Variants in TRIO observed in about 807,000 individuals in gnomAD.
TRIO encodes trio Rho guanine nucleotide exchange factor.
A neutral mutation model predicts 351.9 loss-of-function variants in TRIO; 58 were observed. The observed-to-expected ratio is 0.16, with a 90% CI of 0.13 to 0.21. The LOEUF (loss-of-function observed/expected upper bound fraction) is 0.21, where lower values mean the gene tolerates loss of function less well. Among genes scored for constraint, TRIO ranks in the 10% least tolerant of loss-of-function variants. The pLI, the probability that TRIO is intolerant of heterozygous loss-of-function variation, is 1.00. For synonymous variants in TRIO, 1,758 were observed against 1,595.7 expected, an observed-to-expected ratio of 1.10 and a Z score of -2.42; for missense variants, 3,201 against 4,027.8, an observed-to-expected ratio of 0.79 and a Z score of 5.56.
At chr5:14,297,316 T>C in intron 7 of TRIO, 53 bp downstream of exon 7, 2 of 1,554,222 alleles carry the variant, frequency 1.3e-6, no homozygotes, top group Non-Finnish European at 1.7e-6. Flanking sequence ...TAGTTCTTCC[T>C]CCATGAATAT....
chr5:14,366,574 G>C (rs1054788358), intron 15 of TRIO, among the ~76,000 whole-genome samples: 3 of 152,172 alleles, frequency 2.0e-5, no homozygotes, highest in Non-Finnish European at 4.4e-5. Flanking sequence ...CCCATAATCT[G>C]TTTTGACTTG....
intron 18 of TRIO, among the ~76,000 whole-genome samples, chr5:14,370,005 G>T (rs1290124107): frequency 6.6e-6 from 1 of 152,232 alleles, no homozygotes; most frequent in East Asian, 1.9e-4. Flanking sequence ...ACCTACTCAG[G>T]AAATGCTTCC....
chr5:14,368,599 G>C, intron 16 of TRIO, 109 bp from the exon 17 acceptor site: 1 of 1,230,146 alleles, frequency 8.1e-7, no homozygotes, highest in Non-Finnish European at 1.1e-6. Context: ...ATTAACTGAA[G>C]GTATTTCCAC....
chr5:14,197,833 A>T (rs1222667682), intron 1 of TRIO, among the ~76,000 whole-genome samples: 1 of 152,194 alleles, frequency 6.6e-6, no homozygotes, highest in Non-Finnish European at 1.5e-5. Context: ...CAGGAAAGGA[A>T]CCCTGAATAT....
intron 7 of TRIO, among the ~76,000 whole-genome samples, chr5:14,302,519 A>T (rs1737989846): frequency 6.6e-6 from 1 of 152,244 alleles, no homozygotes; most frequent in Admixed American, 6.5e-5. Context: ...GACCAAATTG[A>T]CATTTATAGA....
intron 1 of TRIO, among the ~76,000 whole-genome samples, chr5:14,163,669 C>A (rs1261510140): frequency 6.6e-6 from 1 of 152,244 alleles, no homozygotes; most frequent in Non-Finnish European, 1.5e-5. Context: ...CACATTCACA[C>A]ATGCACATTG....
At chr5:14,456,790 T>C (rs1753346229) in intron 34 of TRIO, among the ~76,000 whole-genome samples, 1 of 152,244 alleles carries the variant, frequency 6.6e-6, no homozygotes, top group African/African-American at 2.4e-5. Flanking sequence ...ACATGGGATT[T>C]AATTTAAAAT....
rs1042905391 is a variant in TRIO, at chr5:14,497,558, C to T, written c.8020-289C>T. ...TGAGCGCCAGGGGCCAGGGCGTTGG[C>T]GGCTCTGCATTAGGAACGCATCTGA... On this transcript the variant is annotated intron_variant, in intron 50 of 56. Coordinates refer to ENST00000344204, the MANE Select transcript of TRIO (RefSeq NM_007118.4). The surrounding 1 kb of genome is among the most constrained non-coding windows in gnomAD (Gnocchi z 4.4). Among the ~76,000 whole-genome samples the T allele has an allele frequency of 2.0e-5, 3 of 152,118 alleles. No individual in the cohort carries two copies. Among genetic ancestry groups the T allele is most frequent in the East Asian group, 3.9e-4 (2 of 5,182 alleles).
In TRIO at chr5:14,471,479, T is replaced by G; in HGVS notation, c.5912+13T>G. ...TAAAGAGAAGACAGTAAGACAGAAA[T>G]GTTTTCATTCTTATTGTTCTCTGGG... is the stretch of plus-strand genomic sequence containing the variant. On this transcript the variant is annotated intron_variant, in intron 38 of 56. Transcript: ENST00000344204. 1 of 1,613,806 alleles carries G rather than the reference T, an allele frequency of 6.2e-7. No homozygotes were observed. The highest frequency in any genetic ancestry group is 8.5e-7 in the Non-Finnish European group (1 of 1,179,878).
rs774046957 is a variant in TRIO at position 14,488,103 on chromosome 5, C to T, written c.7475C>T (p.Ser2492Phe). 2 of 1,609,632 alleles carry T rather than the reference C, an allele frequency of 1.2e-6. No individual in the cohort carries two copies. The highest frequency in any genetic ancestry group is 1.7e-5 in the Admixed American group (1 of 59,930). ...GGSFWSSIPA[S>F]PASRPGSFTF... is the part of the protein sequence containing the mutation. ...TCCTTCTGGAGCTCCATCCCCGCCTCCCCCGCCAGCCGACCCGGCTCCTTC... is the reference window on the plus strand; with the variant it reads ...TCCTTCTGGAGCTCCATCCCCGCCTTCCCCGCCAGCCGACCCGGCTCCTTC... The change falls in exon 48 of 57, where the codon TCC becomes TTC. Residue 2492 changes from serine (S) to phenylalanine (F), a missense_variant. This residue lies in a region of TRIO where 1,089 missense variants were observed against 954.9 expected (regional missense o/e 1.14). Transcript: ENST00000344204.
intron 1 of TRIO, among the ~76,000 whole-genome samples, chr5:14,199,196 A>G (rs1490342191): frequency 1.9e-4 from 1 of 5,284 alleles, no homozygotes; most frequent in Non-Finnish European, 5.7e-4. Flanking sequence ...AGTGGGACTC[A>G]AAAAAAAAAA....
intron 8 of TRIO, among the ~76,000 whole-genome samples, chr5:14,315,586 G>T (rs1317074331): frequency 2.0e-5 from 3 of 152,116 alleles, no homozygotes. Flanking sequence ...TTTAGATTTG[G>T]AAGTATCTAA....
In TRIO at chr5:14,378,129, T is replaced by C; in HGVS notation, c.3447+2T>C. On this transcript the variant is annotated splice_donor_variant, in intron 20 of 56. Coordinates refer to ENST00000344204, the MANE Select transcript of TRIO (RefSeq NM_007118.4). LOFTEE classifies it high-confidence loss of function. ...GTCTTTGAGAGGAGTGCCAAGCAGGTCAGTGCACACCTGGTGCCCAGCCTC... is the reference window on the plus strand; with the variant it reads ...GTCTTTGAGAGGAGTGCCAAGCAGGCCAGTGCACACCTGGTGCCCAGCCTC... The C allele has an allele frequency of 6.2e-7, 1 of 1,606,858 alleles. No individual in the cohort carries two copies.
At chr5:14,344,096 T>G (rs1742189669) in intron 11 of TRIO, among the ~76,000 whole-genome samples, 1 of 152,270 alleles carries the variant, frequency 6.6e-6, no homozygotes, top group African/African-American at 2.4e-5. Context: ...TTTACACATT[T>G]GATTTCTTTA....
intron 1 of TRIO, among the ~76,000 whole-genome samples, chr5:14,247,701 AC>A (rs1379090937): frequency 6.6e-6 from 1 of 152,218 alleles, no homozygotes; most frequent in Non-Finnish European, 1.5e-5. Flanking sequence ...TGCTATTTTG[AC>A]AATAAAGTTG....
chr5:14,201,917 A>G (rs367980465), intron 1 of TRIO, among the ~76,000 whole-genome samples: 3 of 141,654 alleles, frequency 2.1e-5, no homozygotes, highest in East Asian at 4.2e-4. Flanking sequence ...GAATTGAACA[A>G]TGAGAACACA....
chr5:14,456,010 G>A (rs1424340970), intron 34 of TRIO, among the ~76,000 whole-genome samples: 3 of 152,274 alleles, frequency 2.0e-5, no homozygotes, highest in African/African-American at 4.8e-5. Context: ...GCCCTGCCCC[G>A]CGGGGAGGTG....
intron 28 of TRIO, 41 bp downstream of exon 28, chr5:14,394,171 T>A (rs1001839059): frequency 1.1e-5 from 14 of 1,331,236 alleles, no homozygotes; most frequent in Non-Finnish European, 1.5e-5. Context: ...TTTTATGAAT[T>A]ATGTATTATT....
In TRIO at chr5:14,490,032, G is replaced by A. The variant is rs1212930373; in HGVS notation, c.7632+1772G>A. 1.1e-4 allele frequency among the ~76,000 whole-genome samples: 16 copies of A among 152,256 alleles called. No homozygotes were observed. In the East Asian group the frequency reaches 2.9e-3, roughly 28 times the overall value. ...GATGTCTCACACCTGTAATCCCAGC[G>A]CTTTGGGAGGCCGAGACGGGCAGAT... On this transcript the variant is annotated intron_variant, in intron 48 of 56. Coordinates refer to ENST00000344204, the MANE Select transcript of TRIO (RefSeq NM_007118.4).
Sources: allele counts gnomAD v4.1 joint callset (sites outside exome capture counted in the v4.1 genomes callset), GRCh38; gene constraint gnomAD v4.1.1; regional missense constraint gnomAD v4.1.1; non-coding constraint Gnocchi (gnomAD v3.1); transcripts MANE v1.5; gene names NCBI Gene and HGNC (gene_info 2026-07-23, HGNC 2026-07-21).